ITIH5: variants seen among roughly 807,000 people sequenced by gnomAD.
ITIH5 encodes the protein inter-alpha-trypsin inhibitor heavy chain 5, also known as inter-alpha-trypsin inhibitor heavy chain H5.
Under a neutral mutation model 77.5 loss-of-function variants are expected in ITIH5, and 65 were observed. That is an observed-to-expected ratio of 0.84 (90% CI 0.69 to 1.03). ITIH5 has a LOEUF of 1.03. Among genes scored for constraint, ITIH5 ranks in the 50% least tolerant of loss-of-function variants. The pLI is 0.00. For missense variants in ITIH5, 1,208 were observed against 1,213.1 expected (o/e 1.00, Z 0.06); for synonymous variants, 525 against 494.3 (o/e 1.06, Z -0.82).
At chr10:7,603,500 T>C (rs760850311) in intron 7 of ITIH5, among the ~76,000 whole-genome samples, 1 of 152,200 alleles carries the variant, frequency 6.6e-6, no homozygotes, top group African/African-American at 2.4e-5. Context: ...CTGAAAATAC[T>C]AAAAGCCACT....
chr10:7,661,142 A>G (rs575529258), intron 1 of ITIH5, among the ~76,000 whole-genome samples: 1 of 152,292 alleles, frequency 6.6e-6, no homozygotes, highest in African/African-American at 2.4e-5. Flanking sequence ...TTTTAGGTGG[A>G]ACAATTTCAT....
At chr10:7,605,822 A>G (rs1230906331) in intron 7 of ITIH5, among the ~76,000 whole-genome samples, 1 of 152,128 alleles carries the variant, frequency 6.6e-6, no homozygotes, top group Non-Finnish European at 1.5e-5. Flanking sequence ...TACTTGTAGC[A>G]AAGTTTCGTT....
chr10:7,627,025 A>C (rs1833590869), intron 5 of ITIH5, among the ~76,000 whole-genome samples: 1 of 152,182 alleles, frequency 6.6e-6, no homozygotes, highest in South Asian at 2.1e-4. Context: ...CTGAGCACCC[A>C]TTCTATGCCA....
At position 7,559,843 on chromosome 10, in the gene ITIH5, CTTTTT is replaced by C; in HGVS notation, c.*3235_*3239del. 2.2e-6 allele frequency: 1 copy of C among 448,704 alleles called. No homozygotes were observed. The highest frequency in any genetic ancestry group is 1.6e-5 in the South Asian group (1 of 63,906). 27.8% of individuals were successfully genotyped at this position (448,704 alleles called of 1,614,324 possible). A position where few individuals can be genotyped will look rare whatever the true frequency, so the allele number is the denominator to read the frequency against. On this transcript the variant is annotated 3_prime_UTR_variant, in exon 14 of 14. Coordinates refer to ENST00000397146, the MANE Select transcript of ITIH5 (RefSeq NM_030569.7). ...AGGAAAAACACCATCTCTCCCATGT[CTTTTT>C]TTTGTTTTGTTTTGTTTTTTTTTGA...
At chr10:7,630,220 C>A (rs1833690897) in intron 5 of ITIH5, among the ~76,000 whole-genome samples, 2 of 152,058 alleles carry the variant, frequency 1.3e-5, no homozygotes, top group South Asian at 4.1e-4. Flanking sequence ...TTTAAGTGTA[C>A]AATTTACTAT....
chr10:7,570,089 A>C, intron 11 of ITIH5: 1 of 208,712 alleles, frequency 4.8e-6, no homozygotes, highest in Admixed American at 5.7e-5. Context: ...GGAGAAGGAA[A>C]GAGAGATCCC....
intron 7 of ITIH5, among the ~76,000 whole-genome samples, chr10:7,603,737 C>G (rs1213794666): frequency 6.6e-6 from 1 of 152,156 alleles, no homozygotes; most frequent in African/African-American, 2.4e-5. Flanking sequence ...GCCCCACCAC[C>G]ACGCCCAGCT....
chr10:7,653,712 T>G (rs1834136815), intron 2 of ITIH5, among the ~76,000 whole-genome samples: 1 of 152,090 alleles, frequency 6.6e-6, no homozygotes, highest in African/African-American at 2.4e-5. Context: ...GAGAGGCCCA[T>G]TTGGTGTATT....
At position 7,666,887 on chromosome 10, in the gene ITIH5, G is replaced by C. The variant is rs766826809; in HGVS notation, c.6C>G (p.Leu2=). ...GCCCCAGGCACAGCCCCAGCAGCAG[G>C]AGCATGGCGGGGCGAGGGCGCGGGA... is the stretch of plus-strand genomic sequence containing the variant. M[L]LLLGLCLGLS... Residue 2 remains leucine (L), a synonymous_variant, in exon 1 of 14, where the codon CTC becomes CTG. Coordinates refer to ENST00000397146, the MANE Select transcript of ITIH5 (RefSeq NM_030569.7). 1 of 1,590,808 alleles carries C rather than the reference G, an allele frequency of 6.3e-7. No individual in the cohort carries two copies. Among genetic ancestry groups the C allele is most frequent in the Non-Finnish European group, 8.5e-7 (1 of 1,170,874 alleles).
chr10:7,590,675 C>G (rs11255217), intron 7 of ITIH5, among the ~76,000 whole-genome samples: 149,459 of 152,344 alleles, frequency 0.98, 73,373 homozygotes, highest in Middle Eastern at 1. Context: ...TAATATTTTG[C>G]AATATCTGAG....
At chr10:7,608,204 G>T (rs1225150331) in intron 7 of ITIH5, among the ~76,000 whole-genome samples, 2 of 152,192 alleles carry the variant, frequency 1.3e-5, no homozygotes, top group Non-Finnish European at 2.9e-5. Flanking sequence ...AGGCCCTCTG[G>T]GTCCCGCAGC....
intron 7 of ITIH5, among the ~76,000 whole-genome samples, chr10:7,601,420 G>A (rs1833013151): frequency 6.6e-6 from 1 of 152,182 alleles, no homozygotes; most frequent in Non-Finnish European, 1.5e-5. Context: ...AATTCAAGGA[G>A]AGTTTGCCAG....
chr10:7,572,714 T>G (rs1832325595), intron 11 of ITIH5: 1 of 212,462 alleles, frequency 4.7e-6, no homozygotes, highest in Non-Finnish European at 9.6e-6. Flanking sequence ...GTGGGCTTGA[T>G]ACATTGCTGA....
At chr10:7,627,069 AG>A (rs1236063109) in intron 5 of ITIH5, among the ~76,000 whole-genome samples, 1 of 152,192 alleles carries the variant, frequency 6.6e-6, no homozygotes, top group African/African-American at 2.4e-5. Flanking sequence ...AGACAACCGA[AG>A]TCTTCACAGC....
At chr10:7,563,906 G>A (rs1832089413) in intron 13 of ITIH5, among the ~76,000 whole-genome samples, 1 of 152,258 alleles carries the variant, frequency 6.6e-6, no homozygotes, top group African/African-American at 2.4e-5. Context: ...GCTCATGCTG[G>A]GCCGCCAGGC....
intron 7 of ITIH5, among the ~76,000 whole-genome samples, chr10:7,608,170 C>G (rs1833169850): frequency 6.6e-6 from 1 of 152,230 alleles, no homozygotes; most frequent in Non-Finnish European, 1.5e-5. Flanking sequence ...ATTTCTCTCC[C>G]CTAACCAGAT....
chr10:7,565,895 C>T (rs527965357), intron 13 of ITIH5, 135 bp downstream of exon 13: 23 of 1,132,458 alleles, frequency 2.0e-5, no homozygotes, highest in Admixed American at 4.8e-5. Context: ...CATACATATG[C>T]GGACTGTATA....
intron 5 of ITIH5, chr10:7,622,480 C>T (rs1833489687): frequency 6.6e-6 from 1 of 152,046 alleles, no homozygotes; most frequent in Non-Finnish European, 1.5e-5. Context: ...ATCCTCTTCC[C>T]CTTCAGAAGT....
chr10:7,640,630 T>C, intron 4 of ITIH5, 124 bp downstream of exon 4: 1 of 639,720 alleles, frequency 1.6e-6, no homozygotes, highest in Non-Finnish European at 2.8e-6. Context: ...ATTTATATTT[T>C]GATAAAAAAG....
Sources: allele counts gnomAD v4.1 joint callset (sites outside exome capture counted in the v4.1 genomes callset), GRCh38; gene constraint gnomAD v4.1.1; transcripts MANE v1.5; gene names NCBI Gene and HGNC (gene_info 2026-07-23, HGNC 2026-07-21).